The following ZBTB20 variants were observed in gnomAD, a reference collection of about 807,000 sequenced individuals.
ZBTB20 encodes the protein zinc finger and BTB domain containing 20.
In ZBTB20, 9 loss-of-function variants were observed where a neutral mutation model predicts 56.9. The observed-to-expected ratio is 0.16, with a 90% CI of 0.10 to 0.28. The LOEUF is 0.28. Ranked by LOEUF, ZBTB20 falls within the 10% of genes least tolerant of loss-of-function variation. The pLI, the probability that ZBTB20 is intolerant of heterozygous loss-of-function variation, is 1.00. For synonymous variants in ZBTB20, 417 were observed against 420.7 expected (o/e 0.99, Z 0.11); for missense variants, 655 against 1,003.0 (o/e 0.65, Z 4.69).
chr3:114,339,020 A>G lies in ZBTB20; in HGVS notation c.2211T>C (p.His737=). Reference sequence around the variant, plus strand: ...AAGATACTACTTATCCGTCAGACACATGCATCCTCATGTGGTCGTTGAACT... The same window carrying G: ...AAGATACTACTTATCCGTCAGACACGTGCATCCTCATGTGGTCGTTGAACT... ...IEQFNDHMRM[H]VSDG Residue 737 remains histidine (H), a synonymous_variant, in exon 12 of 12, where the codon CAT becomes CAC. Coordinates refer to ENST00000675478, the MANE Select transcript of ZBTB20 (RefSeq NM_001348800.3). This position sits in a 1 kb window ranked among gnomAD's most constrained non-coding sequence, Gnocchi z 4.2. 3.3e-6 allele frequency: 5 copies of G among 1,513,960 alleles called. No individual in the cohort carries two copies. The highest frequency in any genetic ancestry group is 4.4e-6 in the Non-Finnish European group (5 of 1,130,308). The allele number at this position is 1,513,960 out of a possible 1,614,324, so 93.8% of individuals were successfully genotyped here.
Position 114,934,083 on chromosome 3 carries a change from C to T in ZBTB20, c.-455-33741G>A, listed in dbSNP as rs72960305. On this transcript the variant is annotated intron_variant, in intron 3 of 11. Coordinates refer to ENST00000675478, the MANE Select transcript of ZBTB20 (RefSeq NM_001348800.3). ...TACCCCACCTTAGAATACAAGAACCCATTATGTACTTGCCCTTTTCTGTCT... is the reference window on the plus strand; with the variant it reads ...TACCCCACCTTAGAATACAAGAACCTATTATGTACTTGCCCTTTTCTGTCT... Among the ~76,000 whole-genome samples, 908 of 152,246 alleles carry T rather than the reference C, an allele frequency of 6.0e-3. 12 individuals carry two copies. The highest frequency in any genetic ancestry group is 0.021 in the African/African-American group (879 of 41,530).
chr3:114,613,857 T>C (rs561699984), intron 6 of ZBTB20, among the ~76,000 whole-genome samples: 2 of 152,102 alleles, frequency 1.3e-5, no homozygotes, highest in Non-Finnish European at 2.9e-5. Context: ...AGGATGATAA[T>C]GGTAATGATG....
chr3:114,718,717 T>C (rs1295480812), intron 5 of ZBTB20, among the ~76,000 whole-genome samples: 2 of 152,082 alleles, frequency 1.3e-5, no homozygotes, highest in Admixed American at 6.6e-5. Context: ...GGAACGTTTC[T>C]ATCACTTGCC....
Position 114,327,409 on chromosome 3 carries a change from T to G in ZBTB20, c.*11596A>C, listed in dbSNP as rs1455052318. 1 of 151,766 alleles carries G rather than the reference T, an allele frequency of 6.6e-6. No individual in the cohort carries two copies. Among genetic ancestry groups the G allele is most frequent in the Non-Finnish European group, 1.5e-5 (1 of 67,958 alleles). 9.4% of individuals were successfully genotyped at this position (151,766 alleles called of 1,614,324 possible). On this transcript the variant is annotated 3_prime_UTR_variant, in exon 12 of 12. Coordinates refer to ENST00000675478, the MANE Select transcript of ZBTB20 (RefSeq NM_001348800.3). ...CTTTCTTCCTTTGGAAGCCAGTGCC[T>G]AAGGAGAGGATTACTTTAGATAAAG...
chr3:114,782,800 G>C (rs562068474), intron 5 of ZBTB20, among the ~76,000 whole-genome samples: 16 of 152,102 alleles, frequency 1.1e-4, no homozygotes, highest in Non-Finnish European at 1.8e-4. Context: ...TGTGAAAATA[G>C]AGCTTATATC....
intron 2 of ZBTB20, among the ~76,000 whole-genome samples, chr3:115,010,149 T>C (rs2079638645): frequency 1.3e-5 from 2 of 151,944 alleles, no homozygotes; most frequent in Non-Finnish European, 1.5e-5. Flanking sequence ...TTTGTAAAAA[T>C]ACTGCTACAG....
chr3:114,953,714 TA>T (rs765294296), intron 3 of ZBTB20, among the ~76,000 whole-genome samples: 43 of 151,872 alleles, frequency 2.8e-4, no homozygotes, highest in Non-Finnish European at 1.3e-4. Flanking sequence ...CATGAAGACA[TA>T]AAAACTGACA....
rs2090379725 is a variant in ZBTB20 at position 114,434,565 on chromosome 3, T to TGTGTGTGTGTGTGTGTGTG, written c.-254-45461_-254-45460insCACACACACACACACACAC. Among the ~76,000 whole-genome samples, 7 of 151,798 alleles carry TGTGTGTGTGTGTGTGTGTG rather than the reference T, an allele frequency of 4.6e-5. No individual in the cohort carries two copies. The South Asian group carries it at 1.5e-3, about 32-fold the overall frequency. ...GGGTGTGTGTGTGTGTGTTTGTGTG[T>TGTGTGTGTGTGTGTGTGTG]GTGTGTGTGTGTATCTTTCTAAGAG... On this transcript the variant is annotated intron_variant, in intron 7 of 11. Transcript: ENST00000675478.
At chr3:114,774,125 T>A (rs1042605367) in intron 5 of ZBTB20, among the ~76,000 whole-genome samples, 1 of 152,150 alleles carries the variant, frequency 6.6e-6, no homozygotes, top group African/African-American at 2.4e-5. Context: ...TGAAAACAAA[T>A]ACTTTTGCAA....
At chr3:114,528,074 T>C (rs1487399097) in intron 6 of ZBTB20, among the ~76,000 whole-genome samples, 1 of 152,066 alleles carries the variant, frequency 6.6e-6, no homozygotes, top group Non-Finnish European at 1.5e-5. Context: ...CTTTATCTTT[T>C]AATTAAAGAA....
chr3:114,740,973 AAAT>A (rs1415880425), intron 5 of ZBTB20, among the ~76,000 whole-genome samples: 2 of 152,166 alleles, frequency 1.3e-5, no homozygotes, highest in East Asian at 3.8e-4. Flanking sequence ...ATGGAGATAA[AAAT>A]AATATTATGG....
At chr3:114,990,857 T>A (rs1005007552) in intron 2 of ZBTB20, among the ~76,000 whole-genome samples, 2 of 152,332 alleles carry the variant, frequency 1.3e-5, no homozygotes, top group Middle Eastern at 3.4e-3. Context: ...TTCAGGAATT[T>A]ATCCATTTCT....
chr3:114,877,763 T>C (rs2076251774), intron 4 of ZBTB20, among the ~76,000 whole-genome samples: 1 of 152,320 alleles, frequency 6.6e-6, no homozygotes, highest in African/African-American at 2.4e-5. Flanking sequence ...CATTTTCTTT[T>C]ACACAATACA....
At position 114,673,189 on chromosome 3, in the gene ZBTB20, C is replaced by A. The variant is rs577055920; in HGVS notation, c.-295+20339G>T. ...GGGCCATTTTCCCAAGATCTTTCTTCCAGCTTTTCCCTGCCATGCCAACAG... is the reference window on the plus strand; with the variant it reads ...GGGCCATTTTCCCAAGATCTTTCTTACAGCTTTTCCCTGCCATGCCAACAG... On this transcript the variant is annotated intron_variant, in intron 6 of 11. Transcript: ENST00000675478. Among the ~76,000 whole-genome samples, 53 of 152,258 alleles carry A rather than the reference C, an allele frequency of 3.5e-4. 1 individual carries two copies. The highest frequency in any genetic ancestry group is 6.5e-4 in the Non-Finnish European group (44 of 68,020).
At chr3:114,411,734 G>C (rs75465265) in intron 7 of ZBTB20, among the ~76,000 whole-genome samples, 3,014 of 152,132 alleles carry the variant, frequency 0.02, 46 homozygotes, top group Non-Finnish European at 0.032. Flanking sequence ...AGGGAGGGAA[G>C]GGTACAGAAA....
At chr3:114,684,318 C>T (rs762310060) in intron 6 of ZBTB20, among the ~76,000 whole-genome samples, 19 of 152,120 alleles carry the variant, frequency 1.2e-4, no homozygotes, top group Non-Finnish European at 2.6e-4. Context: ...CAGCATTTTG[C>T]CATAATGGGG....
intron 1 of ZBTB20, among the ~76,000 whole-genome samples, chr3:115,139,281 C>T (rs913070220): frequency 6.6e-6 from 1 of 151,874 alleles, no homozygotes; most frequent in Non-Finnish European, 1.5e-5. Flanking sequence ...AGCTTTAAGC[C>T]TTTCACTACC....
chr3:115,103,317 C>T (rs867580820), intron 1 of ZBTB20, among the ~76,000 whole-genome samples: 4 of 152,156 alleles, frequency 2.6e-5, no homozygotes, highest in Non-Finnish European at 5.9e-5. Flanking sequence ...ATCAAAATCC[C>T]AGAAAGTTAT....
At chr3:114,831,273 G>A (rs2073829369) in intron 4 of ZBTB20, among the ~76,000 whole-genome samples, 1 of 151,688 alleles carries the variant, frequency 6.6e-6, no homozygotes, top group Non-Finnish European at 1.5e-5. Flanking sequence ...ACAATACACA[G>A]TATAGTGGAT....
Sources: gnomAD v4.1 joint callset for allele counts (sites outside exome capture counted in the v4.1 genomes callset) on GRCh38, gnomAD v4.1.1 for gene constraint, Gnocchi (gnomAD v3.1) non-coding constraint, MANE v1.5 for transcripts, NCBI Gene and HGNC (gene_info 2026-07-23, HGNC 2026-07-21) for gene names.